MID1: variants seen among roughly 807,000 people sequenced by gnomAD.
MID1 encodes the protein E3 ubiquitin-protein ligase Midline-1.
A neutral mutation model predicts 40.4 loss-of-function variants in MID1; 7 were observed. That is an observed-to-expected ratio of 0.17 (90% CI 0.10 to 0.33). MID1 has a LOEUF of 0.33. MID1 is among the 10% of genes least tolerant of loss of function. MID1 has a pLI of 1.00. For synonymous variants in MID1, 229 were observed against 221.2 expected, an observed-to-expected ratio of 1.04 and a Z score of -0.31; for missense variants, 367 against 558.5, an observed-to-expected ratio of 0.66 and a Z score of 3.46.
intron 8 of MID1, among the ~76,000 whole-genome samples, chrX:10,457,013 C>CAGAG (rs1159418376): frequency 9.0e-6 from 1 of 111,666 alleles, no homozygotes; most frequent in Non-Finnish European, 1.9e-5. Context: ...TAGCAACTAT[C>CAGAG]AGAGATAAAC....
chrX:10,767,790 T>C (rs111809458), intron 1 of MID1, among the ~76,000 whole-genome samples: 1,923 of 112,180 alleles, frequency 0.017, 46 homozygotes, highest in African/African-American at 0.059. Context: ...CTTAAAAGTT[T>C]AAATGGCAAA....
At chrX:10,828,038 T>G (rs1331881497) in intron 1 of MID1, among the ~76,000 whole-genome samples, 1 of 111,820 alleles carries the variant, frequency 8.9e-6, no homozygotes, top group African/African-American at 3.3e-5. Context: ...AAATTTAGCA[T>G]AAAATATTTA....
At chrX:10,816,608 G>C (rs1322284515) in intron 1 of MID1, among the ~76,000 whole-genome samples, 1 of 111,840 alleles carries the variant, frequency 8.9e-6, no homozygotes, top group Non-Finnish European at 1.9e-5. Flanking sequence ...GTATGCAGCT[G>C]ACTTCTCTGA....
rs1296249062 is a variant in MID1 at position 10,718,478 on chromosome X, T to C, written c.-186-98059A>G. Among the ~76,000 whole-genome samples the C allele has an allele frequency of 5.4e-5, 6 of 110,998 alleles. No individual in the cohort carries two copies. In the East Asian group the frequency reaches 1.4e-3, roughly 26 times the overall value. ...TGGATAAATTCCTTGACACATACAC[T>C]CTCCCAAGACTAAACCAGGAAGAAG... is the stretch of plus-strand genomic sequence containing the variant. On this transcript the variant is annotated intron_variant, in intron 1 of 10. Coordinates refer to the MID1 transcript ENST00000380785.
chrX:10,457,097 A>C (rs1928726304), intron 8 of MID1, among the ~76,000 whole-genome samples: 1 of 110,709 alleles, frequency 9.0e-6, no homozygotes, highest in South Asian at 4.4e-4. Flanking sequence ...GGAAGGTAGA[A>C]TATGGATTAA....
At chrX:10,610,014 G>A (rs1375878142) in intron 1 of MID1, among the ~76,000 whole-genome samples, 4 of 111,981 alleles carry the variant, frequency 3.6e-5, no homozygotes, top group Admixed American at 9.5e-5. Context: ...CACCGCGCCC[G>A]GCCTTCTTTT....
intron 1 of MID1, among the ~76,000 whole-genome samples, chrX:10,687,669 ATTT>A (rs2043108454): frequency 8.9e-6 from 1 of 112,179 alleles, no homozygotes; most frequent in Non-Finnish European, 1.9e-5. Context: ...TACATATTTT[ATTT>A]TAATCAGTAG....
chrX:10,718,176 A>T (rs1172059400), intron 1 of MID1, among the ~76,000 whole-genome samples: 1 of 111,929 alleles, frequency 8.9e-6, no homozygotes, highest in East Asian at 2.8e-4. Context: ...AGCTAGCAGA[A>T]GGCAAGAAAT....
intron 1 of MID1, among the ~76,000 whole-genome samples, chrX:10,786,699 G>C (rs1298239382): frequency 1.9e-5 from 2 of 107,972 alleles, no homozygotes; most frequent in Non-Finnish European, 3.8e-5. Context: ...CCATCATTCT[G>C]AGCAAACTAT....
intron 1 of MID1, among the ~76,000 whole-genome samples, chrX:10,726,211 T>A (rs1460633898): frequency 8.9e-6 from 1 of 112,286 alleles, no homozygotes; most frequent in African/African-American, 3.2e-5. Context: ...ACTCTGGATA[T>A]CAACTAAGCA....
chrX:10,638,685 C>T (rs1215623686), intron 1 of MID1, among the ~76,000 whole-genome samples: 1 of 112,164 alleles, frequency 8.9e-6, no homozygotes, highest in Non-Finnish European at 1.9e-5. Flanking sequence ...AGTTTGAGAT[C>T]TGAGAACAGA....
intron 1 of MID1, among the ~76,000 whole-genome samples, chrX:10,788,307 T>G (rs1412540665): frequency 8.9e-6 from 1 of 111,834 alleles, no homozygotes; most frequent in Non-Finnish European, 1.9e-5. Context: ...TTAATTAGAG[T>G]AATCACCAGT....
chrX:10,648,144 T>A (rs188213702), intron 1 of MID1, among the ~76,000 whole-genome samples: 2 of 112,186 alleles, frequency 1.8e-5, no homozygotes, highest in African/African-American at 3.2e-5. Flanking sequence ...TCTATCTGTA[T>A]ATTTTAGTAT....
chrX:10,718,262 G>GT (rs2043320633), intron 1 of MID1, among the ~76,000 whole-genome samples: 1 of 111,641 alleles, frequency 9.0e-6, no homozygotes, highest in African/African-American at 3.3e-5. Context: ...CCAGGAGCTG[G>GT]TTTTTTGAAA....
intron 1 of MID1, among the ~76,000 whole-genome samples, chrX:10,763,432 T>G (rs2043697031): frequency 9.2e-6 from 1 of 109,110 alleles, no homozygotes; most frequent in African/African-American, 3.4e-5. Context: ...TTTCTGTCCT[T>G]GTGATAGTTT....
intron 2 of MID1, among the ~76,000 whole-genome samples, chrX:10,541,187 G>A (rs996094388): frequency 7.1e-5 from 8 of 112,235 alleles, no homozygotes; most frequent in Middle Eastern, 4.6e-3. Context: ...TACATGAGCC[G>A]AAAAGAAAGG....
chrX:10,831,117 G>C (rs2044249478), intron 1 of MID1, among the ~76,000 whole-genome samples: 1 of 111,875 alleles, frequency 8.9e-6, no homozygotes, highest in African/African-American at 3.3e-5. Flanking sequence ...GCCACAGCCT[G>C]ATGGCCCATG....
chrX:10,537,189 TA>T lies in MID1; in HGVS notation c.661-14003del, dbSNP rs772319130. Among the ~76,000 whole-genome samples, 988 of 106,294 alleles carry T rather than the reference TA, an allele frequency of 9.3e-3. 9 individuals carry two copies. The highest frequency in any genetic ancestry group is 0.029 in the African/African-American group (843 of 29,317). The allele number at this position is 106,294 out of a possible 115,157, so 92.3% of individuals were successfully genotyped here. On this transcript the variant is annotated intron_variant, in intron 2 of 9. Coordinates refer to ENST00000317552, the MANE Select transcript of MID1 (RefSeq NM_000381.4). ...CTTGATTACTTATAAACGTCGTTCT[TA>T]AAAAAAAAAATTAAGTGGTATTGAA...
At chrX:10,611,894 A>C (rs970945504) in intron 1 of MID1, among the ~76,000 whole-genome samples, 2 of 111,477 alleles carry the variant, frequency 1.8e-5, no homozygotes, top group Admixed American at 1.9e-4. Context: ...TCCAAGCAGA[A>C]AAGCAAAACT....
Sources: allele counts gnomAD v4.1 joint callset (sites outside exome capture counted in the v4.1 genomes callset), GRCh38; gene constraint gnomAD v4.1.1; transcripts MANE v1.5; gene names NCBI Gene and HGNC (gene_info 2026-07-23, HGNC 2026-07-21).